Variants in TIAM1 observed in about 807,000 individuals in gnomAD.
The protein encoded by TIAM1 is TIAM Rac1 associated GEF 1.
TIAM1 carries 65 observed loss-of-function variants against 163.5 expected under a neutral mutation model. The ratio of observed to expected loss-of-function variants is 0.40; its 90% confidence interval spans 0.33 to 0.49. The LOEUF (loss-of-function observed/expected upper bound fraction) is 0.49, where lower values mean the gene tolerates loss of function less well. Among genes scored for constraint, TIAM1 ranks in the 20% least tolerant of loss-of-function variants. The probability of loss-of-function intolerance (pLI) is 0.77; values close to 1 mark genes in which losing one functional copy is unlikely to be tolerated. For synonymous variants in TIAM1, 833 were observed against 810.1 expected, an observed-to-expected ratio of 1.03 and a Z score of -0.48; for missense variants, 1,789 against 2,044.7, an observed-to-expected ratio of 0.87 and a Z score of 2.41.
chr21:31,551,397 G>A lies in TIAM1; in HGVS notation c.-422+7530C>T, dbSNP rs115245323. ...TGCACTCCAGCCTGGGGAACAGAGC[G>A]AGGCTCTGTCTCAAAAAAGAAAAAA... On this transcript the variant is annotated intron_variant, in intron 1 of 28. Coordinates refer to the TIAM1 transcript ENST00000286827. Among the ~76,000 whole-genome samples, 1,400 of 151,794 alleles carry A rather than the reference G, an allele frequency of 9.2e-3. 29 individuals carry two copies. The highest frequency in any genetic ancestry group is 0.032 in the African/African-American group (1,309 of 41,350).
At chr21:31,160,566 C>T (rs1340297754) in intron 16 of TIAM1, 1 of 398,512 alleles carries the variant, frequency 2.5e-6, no homozygotes, top group Non-Finnish European at 4.4e-6. Flanking sequence ...ATTAATTCTA[C>T]CACCTGACGT....
chr21:31,245,796 G>A (rs2071471025), intron 5 of TIAM1, 136 bp from the exon 6 acceptor site: 1 of 851,352 alleles, frequency 1.2e-6, no homozygotes, highest in Non-Finnish European at 1.6e-6. Flanking sequence ...AAAGAGAATG[G>A]AGCCAGGCTT....
At chr21:31,451,238 A>T (rs1290924661) in intron 2 of TIAM1, among the ~76,000 whole-genome samples, 1 of 152,118 alleles carries the variant, frequency 6.6e-6, no homozygotes, top group Non-Finnish European at 1.5e-5. Context: ...ATGCCACAGC[A>T]CCATCCATCA....
In TIAM1 at chr21:31,212,475, C is replaced by T. The variant is rs146977459; in HGVS notation, c.2217+923G>A. Among the ~76,000 whole-genome samples, 138 of 152,058 alleles carry T rather than the reference C, an allele frequency of 9.1e-4. 6 individuals carry two copies. In the East Asian group the frequency reaches 0.021, roughly 23 times the overall value. ...CTACTAGGGTCTTGAAAACGAGAGA[C>T]GTCTATTTATTTAGAGGCTGAAAAA... On this transcript the variant is annotated intron_variant, in intron 10 of 27. Coordinates refer to ENST00000541036, the MANE Select transcript of TIAM1 (RefSeq NM_001353694.2).
intron 2 of TIAM1, among the ~76,000 whole-genome samples, chr21:31,354,961 A>C (rs941328092): frequency 6.6e-6 from 1 of 152,188 alleles, no homozygotes; most frequent in African/African-American, 2.4e-5. Flanking sequence ...GCTTAGGCTC[A>C]GGCTTATGAT....
chr21:31,305,252 T>C (rs1248350129), intron 2 of TIAM1, among the ~76,000 whole-genome samples: 1 of 152,202 alleles, frequency 6.6e-6, no homozygotes, highest in Non-Finnish European at 1.5e-5. Context: ...CAGTTTTCAC[T>C]GATTACTTTC....
chr21:31,442,070 A>AATAAATAAATATATATATATATATAT (rs370046459), intron 2 of TIAM1, among the ~76,000 whole-genome samples: 2 of 53,244 alleles, frequency 3.8e-5, no homozygotes, highest in African/African-American at 1.3e-4. Flanking sequence ...CAAATAAATA[A>AATAAATAAATATATATATATATATAT]ATATATATAT....
intron 8 of TIAM1, among the ~76,000 whole-genome samples, chr21:31,219,211 G>A (rs766577733): frequency 4.8e-4 from 71 of 148,712 alleles, no homozygotes; most frequent in Middle Eastern, 3.4e-3. Context: ...AAAACATTCA[G>A]GCTTGAACTT....
intron 1 of TIAM1, among the ~76,000 whole-genome samples, chr21:31,555,881 C>T (rs1314628126): frequency 6.6e-6 from 1 of 152,024 alleles, no homozygotes; most frequent in East Asian, 1.9e-4. Context: ...GGGTTTCAGT[C>T]GGCACACTAG....
chr21:31,532,599 A>G (rs1425007078), intron 1 of TIAM1, among the ~76,000 whole-genome samples: 1 of 152,176 alleles, frequency 6.6e-6, no homozygotes, highest in African/African-American at 2.4e-5. Flanking sequence ...GAAAATTCCT[A>G]TCTTTCCAAT....
At chr21:31,391,951 C>T (rs1247984999) in intron 2 of TIAM1, among the ~76,000 whole-genome samples, 1 of 152,158 alleles carries the variant, frequency 6.6e-6, no homozygotes, top group Non-Finnish European at 1.5e-5. Flanking sequence ...TACGCCCATG[C>T]TGTTTTTCAC....
intron 13 of TIAM1, among the ~76,000 whole-genome samples, chr21:31,190,514 AG>A (rs527307202): frequency 7.2e-5 from 11 of 152,334 alleles, no homozygotes; most frequent in African/African-American, 2.2e-4. Flanking sequence ...TCAAAACTAG[AG>A]TCCAGGATAC....
intron 4 of TIAM1, among the ~76,000 whole-genome samples, chr21:31,254,150 T>TA (rs947052347): frequency 1.1e-4 from 16 of 152,340 alleles, no homozygotes; most frequent in Admixed American, 1.0e-3. Context: ...GTAACATCCC[T>TA]ATTCCATAAG....
At chr21:31,245,379 A>AC (rs1346673646) in intron 6 of TIAM1, 109 bp downstream of exon 6, 1 of 747,806 alleles carries the variant, frequency 1.3e-6, no homozygotes, top group Non-Finnish European at 1.8e-6. Flanking sequence ...CACTAAAAAA[A>AC]AAAAAAAAAA....
At chr21:31,437,454 G>C (rs1013628410) in intron 2 of TIAM1, among the ~76,000 whole-genome samples, 2 of 145,314 alleles carry the variant, frequency 1.4e-5, no homozygotes, top group Non-Finnish European at 3.0e-5. Flanking sequence ...AGTGAATCAT[G>C]ATTGTGTCAC....
intron 15 of TIAM1, among the ~76,000 whole-genome samples, chr21:31,167,819 C>T (rs1050969277): frequency 4.6e-5 from 7 of 152,160 alleles, no homozygotes; most frequent in Admixed American, 6.5e-5. Flanking sequence ...GTTTGAGACC[C>T]ACTCCCTGGA....
chr21:31,420,061 A>C (rs571276497), intron 2 of TIAM1, among the ~76,000 whole-genome samples: 35 of 152,346 alleles, frequency 2.3e-4, no homozygotes, highest in Admixed American at 1.0e-3. Context: ...AAAACTAAAA[A>C]TAAAAAATAA....
chr21:31,214,008 C>T (rs2087032558), intron 9 of TIAM1, among the ~76,000 whole-genome samples: 1 of 151,664 alleles, frequency 6.6e-6, no homozygotes, highest in Non-Finnish European at 1.5e-5. Context: ...AGAGGGAGAC[C>T]TTGTCCCAAA....
Position 31,188,836 on chromosome 21 carries a change from A to G in TIAM1, c.2576-1749T>C, listed in dbSNP as rs371780082. Among the ~76,000 whole-genome samples, 16 of 151,944 alleles carry G rather than the reference A, an allele frequency of 1.1e-4. No homozygotes were observed. The East Asian group carries it at 1.6e-3, about 15-fold the overall frequency. On this transcript the variant is annotated intron_variant, in intron 13 of 27. Transcript: ENST00000541036. ...CGATCCTCCCACCTCAGCCTCTCAC[A>G]GTGTTGGGATTACAGGCTTTCACTA...
Sources: allele counts gnomAD v4.1 joint callset (sites outside exome capture counted in the v4.1 genomes callset), GRCh38; gene constraint gnomAD v4.1.1; transcripts MANE v1.5; gene names NCBI Gene and HGNC (gene_info 2026-07-23, HGNC 2026-07-21).